CD302: variants seen among roughly 807,000 people sequenced by gnomAD.
CD302 encodes CD302 antigen.
In CD302, 23 loss-of-function variants were observed where a neutral mutation model predicts 26.5. That is an observed-to-expected ratio of 0.87 (90% CI 0.62 to 1.23). CD302 has a LOEUF of 1.23. Ranked by LOEUF, CD302 falls within the 50% of genes most tolerant of loss-of-function variation. The pLI is 0.00. For missense variants in CD302, 290 were observed against 275.5 expected (o/e 1.05, Z -0.37); for synonymous variants, 90 against 99.4 (o/e 0.91, Z 0.56).
intron 5 of CD302, among the ~76,000 whole-genome samples, chr2:159,774,444 G>A (rs1231073835): frequency 1.3e-5 from 2 of 152,084 alleles, no homozygotes; most frequent in African/African-American, 4.8e-5. Context: ...TCTGAGGCCC[G>A]AACTATACAT....
intron 1 of CD302, among the ~76,000 whole-genome samples, chr2:159,794,308 A>AATT (rs1370125665): frequency 7.2e-6 from 1 of 139,368 alleles, no homozygotes; most frequent in African/African-American, 2.6e-5. Flanking sequence ...AAAATAATAA[A>AATT]AAAAAAAACA....
At chr2:159,779,210 G>A (rs922867443) in intron 4 of CD302, among the ~76,000 whole-genome samples, 6 of 117,714 alleles carry the variant, frequency 5.1e-5, no homozygotes, top group Non-Finnish European at 9.7e-5. Context: ...CAGCCTGGGC[G>A]ACAGAGAGAG....
chr2:159,797,784 C>T (rs1208674391), intron 1 of CD302, among the ~76,000 whole-genome samples: 1 of 152,216 alleles, frequency 6.6e-6, no homozygotes, highest in African/African-American at 2.4e-5. Flanking sequence ...CCGAAATTGC[C>T]CTGAAACGGC....
intron 5 of CD302, among the ~76,000 whole-genome samples, chr2:159,773,990 T>C (rs748710984): frequency 2.6e-5 from 4 of 152,146 alleles, no homozygotes; most frequent in Admixed American, 6.5e-5. Context: ...TTTCTCAACA[T>C]TTCTTCAGAA....
chr2:159,783,398 C>T lies in CD302; in HGVS notation c.139G>A (p.Glu47Lys), dbSNP rs916021125. The T allele has an allele frequency of 7.4e-6, 12 of 1,612,364 alleles. No homozygotes were observed. The highest frequency in any genetic ancestry group is 9.3e-6 in the Non-Finnish European group (11 of 1,179,556). ...YIFLQEAIKV[E>K]SIEDVRNQCT... ...TGATTTCTGACATCCTCTATGCTTT[C>T]TACTTTGATGGCTTCTTGGAGAAAA... is the stretch of plus-strand genomic sequence containing the variant. The change falls in exon 2 of 6, where the codon GAA becomes AAA. Residue 47 changes from glutamate (E) to lysine (K), a missense_variant. Transcript: ENST00000259053.
At chr2:159,797,432 G>T (rs999230660) in intron 1 of CD302, among the ~76,000 whole-genome samples, 2 of 152,126 alleles carry the variant, frequency 1.3e-5, no homozygotes, top group Non-Finnish European at 2.9e-5. Flanking sequence ...AAAGACCACG[G>T]TCAATAGAAT....
intron 3 of CD302, 95 bp from the exon 4 acceptor site, chr2:159,780,273 ATGTCT>A (rs1708467765): frequency 7.4e-7 from 1 of 1,347,534 alleles, no homozygotes; most frequent in African/African-American, 1.5e-5. Context: ...TTACTAAGGT[ATGTCT>A]GGTCTAAACT....
In CD302 at chr2:159,771,638, A is replaced by G; in HGVS notation, c.*213T>C. 2.0e-6 allele frequency: 1 copy of G among 505,394 alleles called. No homozygotes were observed. The highest frequency in any genetic ancestry group is 3.4e-6 in the Non-Finnish European group (1 of 297,724). 31.3% of individuals were successfully genotyped at this position (505,394 alleles called of 1,614,324 possible). On this transcript the variant is annotated 3_prime_UTR_variant, in exon 6 of 6. Transcript: ENST00000259053. ...GATTCTGCCTTTGACGGGATGCTTA[A>G]AATCACTATATTAGATCTAAGATCA...
intron 5 of CD302, among the ~76,000 whole-genome samples, chr2:159,775,460 A>G (rs1708284789): frequency 6.6e-6 from 1 of 152,214 alleles, no homozygotes; most frequent in Non-Finnish European, 1.5e-5. Flanking sequence ...TAATACATTT[A>G]CGTAGCTTAA....
Position 159,772,002 on chromosome 2 carries a change from G to C in CD302, c.548C>G (p.Thr183Arg), listed in dbSNP as rs748523519. Residue 183 changes from threonine to arginine, a missense_variant, in exon 6 of 6, where the codon ACA becomes AGA. Coordinates refer to ENST00000259053, the MANE Select transcript of CD302 (RefSeq NM_014880.5). ...GAACCAAATGATTGCTCCCAAAACT[G>C]TCAAAATTACCGTGCTAGCAATCAC... Reference protein sequence around the residue: ...ALVIASTVILTVLGAIIWFLY... With the variant: ...ALVIASTVILRVLGAIIWFLY... 1 of 1,613,976 alleles carries C rather than the reference G, an allele frequency of 6.2e-7. No individual in the cohort carries two copies. The highest frequency in any genetic ancestry group is 1.1e-5 in the South Asian group (1 of 91,072).
chr2:159,784,725 A>G (rs1708619731), intron 1 of CD302, among the ~76,000 whole-genome samples: 1 of 152,006 alleles, frequency 6.6e-6, no homozygotes, highest in Non-Finnish European at 1.5e-5. Context: ...AGAATTTACC[A>G]ATCAGCTACA....
Position 159,780,994 on chromosome 2 carries a change from C to T in CD302, c.183G>A (p.Ala61=), listed in dbSNP as rs763219786. 8 of 1,602,990 alleles carry T rather than the reference C, an allele frequency of 5.0e-6. No homozygotes were observed. Among genetic ancestry groups the T allele is most frequent in the East Asian group, 2.2e-5 (1 of 44,766 alleles). The change falls in exon 3 of 6, where the codon GCG becomes GCA. Residue 61 remains alanine, a synonymous_variant. Coordinates refer to ENST00000259053, the MANE Select transcript of CD302 (RefSeq NM_014880.5). ...DVRNQCTDHG[A]DMISIHNEEE... ...CTTCATTATGTATGCTTATCATGTC[C>T]GCTCCTGAAATTATTTTAAAGAGAA...
At chr2:159,786,396 C>T (rs1333175978) in intron 1 of CD302, among the ~76,000 whole-genome samples, 4 of 146,894 alleles carry the variant, frequency 2.7e-5, no homozygotes, top group East Asian at 2.0e-4. Flanking sequence ...GGCAGTGGCG[C>T]GATCTCAGCT....
At chr2:159,782,704 G>C (rs998004318) in intron 2 of CD302, among the ~76,000 whole-genome samples, 2 of 148,750 alleles carry the variant, frequency 1.3e-5, no homozygotes, top group African/African-American at 5.0e-5. Context: ...AAGCCTGGGG[G>C]ACACAGCAAG....
intron 1 of CD302, among the ~76,000 whole-genome samples, chr2:159,794,601 T>G (rs1048981370): frequency 6.6e-6 from 1 of 151,772 alleles, no homozygotes; most frequent in Non-Finnish European, 1.5e-5. Flanking sequence ...CAGGCTGGAG[T>G]GCAGTGGCGC....
At chr2:159,778,678 A>G (rs1708412379) in intron 4 of CD302, among the ~76,000 whole-genome samples, 1 of 152,152 alleles carries the variant, frequency 6.6e-6, no homozygotes. Flanking sequence ...AGCACCCTAA[A>G]TTCATATTTT....
chr2:159,778,733 C>G (rs1416383289), intron 4 of CD302, among the ~76,000 whole-genome samples: 6 of 152,008 alleles, frequency 3.9e-5, no homozygotes, highest in Non-Finnish European at 7.4e-5. Context: ...AGATGGTGGT[C>G]TTGCTATGTT....
intron 1 of CD302, among the ~76,000 whole-genome samples, chr2:159,795,160 T>G (rs1484644352): frequency 4.6e-5 from 7 of 150,942 alleles, no homozygotes; most frequent in Admixed American, 4.6e-4. Context: ...AAGGTAGAGG[T>G]TGCTGTGAGC....
chr2:159,779,242 A>C (rs903300218), intron 4 of CD302, among the ~76,000 whole-genome samples: 1 of 151,250 alleles, frequency 6.6e-6, no homozygotes, highest in Non-Finnish European at 1.5e-5. Flanking sequence ...AAAAAAAAAA[A>C]AAAAAAAAAA....
Sources: gnomAD v4.1 joint callset for allele counts (sites outside exome capture counted in the v4.1 genomes callset) on GRCh38, gnomAD v4.1.1 for gene constraint, MANE v1.5 for transcripts, NCBI Gene and HGNC (gene_info 2026-07-23, HGNC 2026-07-21) for gene names.